LSAMP: variants seen among roughly 807,000 people sequenced by gnomAD.
LSAMP encodes the protein limbic system-associated membrane protein.
Under a neutral mutation model 38.6 loss-of-function variants are expected in LSAMP, and 7 were observed. The ratio of observed to expected loss-of-function variants is 0.18; its 90% confidence interval spans 0.10 to 0.34. The LOEUF (loss-of-function observed/expected upper bound fraction) is 0.34, where lower values mean the gene tolerates loss of function less well. LSAMP is among the 10% of genes least tolerant of loss of function. LSAMP has a pLI of 1.00. For synonymous variants in LSAMP, 154 were observed against 166.8 expected, an observed-to-expected ratio of 0.92 and a Z score of 0.59; for missense variants, 313 against 420.0, an observed-to-expected ratio of 0.75 and a Z score of 2.23.
chr3:115,980,598 G>A (rs554593963), intron 3 of LSAMP, among the ~76,000 whole-genome samples: 2 of 152,238 alleles, frequency 1.3e-5, no homozygotes, highest in African/African-American at 2.4e-5. Context: ...CTGAAATACA[G>A]CAAGTTGACA....
intron 3 of LSAMP, among the ~76,000 whole-genome samples, chr3:115,880,840 CG>C (rs899010806): frequency 1.3e-5 from 2 of 151,480 alleles, no homozygotes; most frequent in African/African-American, 4.9e-5. Flanking sequence ...GAGACCAGCC[CG>C]GCCTACCAAC....
intron 3 of LSAMP, among the ~76,000 whole-genome samples, chr3:115,964,776 G>T (rs1938744140): frequency 1.3e-5 from 2 of 151,998 alleles, no homozygotes; most frequent in South Asian, 4.2e-4. Flanking sequence ...TTTCTAAAAA[G>T]GTAACATTAA....
intron 2 of LSAMP, among the ~76,000 whole-genome samples, chr3:116,068,579 A>G (rs180704186): frequency 6.6e-6 from 1 of 152,348 alleles, no homozygotes; most frequent in Admixed American, 6.5e-5. Flanking sequence ...GGTCGATAAG[A>G]TTTATTGCTG....
chr3:116,016,748 G>A (rs1037510292), intron 3 of LSAMP, among the ~76,000 whole-genome samples: 1 of 152,146 alleles, frequency 6.6e-6, no homozygotes, highest in Non-Finnish European at 1.5e-5. Flanking sequence ...TGTGTACATT[G>A]AAATTTGAAT....
chr3:116,042,421 A>C lies in LSAMP; in HGVS notation c.389-22781T>G, dbSNP rs573253756. Among the ~76,000 whole-genome samples the C allele has an allele frequency of 5.1e-4, 78 of 151,598 alleles. 1 individual carries two copies. In the South Asian group the frequency reaches 0.016, roughly 31 times the overall value. On this transcript the variant is annotated intron_variant, in intron 2 of 6. Coordinates refer to ENST00000490035, the MANE Select transcript of LSAMP (RefSeq NM_002338.5). Reference sequence around the variant, plus strand: ...AGTATCAGTATCTACCAGTCTAATAAAGAGCATTTCTTTTTTTTTTTTTTT... The same window carrying C: ...AGTATCAGTATCTACCAGTCTAATACAGAGCATTTCTTTTTTTTTTTTTTT...
At chr3:115,875,495 A>G (rs1433774437) in intron 3 of LSAMP, among the ~76,000 whole-genome samples, 1 of 152,116 alleles carries the variant, frequency 6.6e-6, no homozygotes, top group Non-Finnish European at 1.5e-5. Context: ...TATCCCAAAT[A>G]TCACTATGTG....
intron 1 of LSAMP, among the ~76,000 whole-genome samples, chr3:116,224,002 T>C (rs954730204): frequency 2.0e-5 from 3 of 151,930 alleles, no homozygotes; most frequent in African/African-American, 7.3e-5. Flanking sequence ...CTCTTTCTAA[T>C]GAACTTTCTT....
rs975267127 is a variant in LSAMP, at chr3:116,210,537, C to T, written c.156-123981G>A. Among the ~76,000 whole-genome samples, 35 of 152,134 alleles carry T rather than the reference C, an allele frequency of 2.3e-4. 1 individual carries two copies. The highest frequency in any genetic ancestry group is 5.6e-4 in the African/African-American group (23 of 41,434). On this transcript the variant is annotated intron_variant, in intron 1 of 6. Transcript: ENST00000490035. ...AGCTCTCGGGCCTTTGGCCACAGAC[C>T]GAAGGCTGCATCGTCGGCTTCCCTA...
At chr3:116,004,414 A>G (rs1377544586) in intron 3 of LSAMP, among the ~76,000 whole-genome samples, 3 of 151,498 alleles carry the variant, frequency 2.0e-5, no homozygotes, top group African/African-American at 7.3e-5. Context: ...GTATACTTAC[A>G]TATATACACA....
At chr3:116,387,218 T>C (rs539860468) in intron 1 of LSAMP, among the ~76,000 whole-genome samples, 1 of 151,694 alleles carries the variant, frequency 6.6e-6, no homozygotes, top group Non-Finnish European at 1.5e-5. Context: ...AATGGAGAGG[T>C]AAAAATCTAG....
intron 1 of LSAMP, among the ~76,000 whole-genome samples, chr3:116,387,996 C>G (rs919948807): frequency 6.6e-6 from 1 of 151,556 alleles, no homozygotes; most frequent in Admixed American, 6.6e-5. Context: ...CCCAGCTACT[C>G]GGGAGGCTGA....
intron 1 of LSAMP, among the ~76,000 whole-genome samples, chr3:116,219,395 T>C (rs1196885306): frequency 2.6e-5 from 4 of 152,250 alleles, no homozygotes; most frequent in African/African-American, 9.6e-5. Flanking sequence ...GTATTGTGAA[T>C]AGTGCTGCAA....
chr3:116,411,528 A>G (rs540994412), intron 1 of LSAMP, among the ~76,000 whole-genome samples: 1 of 151,040 alleles, frequency 6.6e-6, no homozygotes, highest in South Asian at 2.1e-4. Flanking sequence ...TCACAAGGAC[A>G]AAAAACCAAA....
chr3:115,953,951 G>T, intron 3 of LSAMP, among the ~76,000 whole-genome samples: 1 of 152,084 alleles, frequency 6.6e-6, no homozygotes, highest in South Asian at 2.1e-4. Flanking sequence ...TCTGTAAGAG[G>T]CCATCCTTGT....
chr3:116,002,193 C>A (rs570908071), intron 3 of LSAMP, among the ~76,000 whole-genome samples: 101 of 152,250 alleles, frequency 6.6e-4, no homozygotes, highest in Admixed American at 1.6e-3. Context: ...CAGCAGGAGA[C>A]AGGCTCCCCT....
At chr3:116,413,769 A>AAAGAGAAAAATTC (rs2049011451) in intron 1 of LSAMP, among the ~76,000 whole-genome samples, 1 of 152,102 alleles carries the variant, frequency 6.6e-6, no homozygotes. Flanking sequence ...TACAGTAAAC[A>AAAGAGAAAAATTC]AAGAGAAAAA....
chr3:116,274,790 A>AAAT (rs901273809), intron 1 of LSAMP, among the ~76,000 whole-genome samples: 1 of 152,044 alleles, frequency 6.6e-6, no homozygotes, highest in Admixed American at 6.5e-5. Flanking sequence ...AATGCAGTAA[A>AAAT]AATAATTTGA....
chr3:116,388,514 G>A (rs1267732674), intron 1 of LSAMP, among the ~76,000 whole-genome samples: 2 of 152,096 alleles, frequency 1.3e-5, no homozygotes, highest in South Asian at 2.1e-4. Flanking sequence ...GCTCTAAAAC[G>A]CACGAAAATA....
chr3:116,445,014 C>T lies in LSAMP; in HGVS notation c.18G>A (p.Gln6=), dbSNP rs772163789. The T allele has an allele frequency of 6.2e-7, 1 of 1,613,620 alleles. No homozygotes were observed. Among genetic ancestry groups the T allele is most frequent in the South Asian group, 1.1e-5 (1 of 91,042 alleles). ...CCAGTGGCAACTGTTTCCGATCCGGCTGAACTCTCCTGACCATGGTGGCCA... is the reference window on the plus strand; with the variant it reads ...CCAGTGGCAACTGTTTCCGATCCGGTTGAACTCTCCTGACCATGGTGGCCA... MVRRV[Q]PDRKQLPLVL... Residue 6 remains glutamine, a synonymous_variant, in exon 1 of 7, where the codon CAG becomes CAA. Coordinates refer to ENST00000490035, the MANE Select transcript of LSAMP (RefSeq NM_002338.5).
Sources: gnomAD v4.1 joint callset for allele counts (sites outside exome capture counted in the v4.1 genomes callset) on GRCh38, gnomAD v4.1.1 for gene constraint, MANE v1.5 for transcripts, NCBI Gene and HGNC (gene_info 2026-07-23, HGNC 2026-07-21) for gene names.